LIMS1: variants seen among roughly 807,000 people sequenced by gnomAD.
LIMS1 encodes LIM zinc finger domain containing 1.
In LIMS1, 18 loss-of-function variants were observed where a neutral mutation model predicts 44.1. The ratio of observed to expected loss-of-function variants is 0.41; its 90% confidence interval spans 0.28 to 0.61. The LOEUF (loss-of-function observed/expected upper bound fraction) is 0.61. Ranked by LOEUF, LIMS1 falls within the 20% of genes least tolerant of loss-of-function variation. The pLI is 0.32. For synonymous variants in LIMS1, 93 were observed against 149.1 expected, an observed-to-expected ratio of 0.62 and a Z score of 2.74; for missense variants, 201 against 422.0, an observed-to-expected ratio of 0.48 and a Z score of 4.59.
At chr2:108,668,167 C>T (rs1311697925) in intron 2 of LIMS1, among the ~76,000 whole-genome samples, 1 of 152,100 alleles carries the variant, frequency 6.6e-6, no homozygotes, top group African/African-American at 2.4e-5. Flanking sequence ...TTAACGTATC[C>T]ATCACCTTGT....
At chr2:108,541,078 C>T (rs1449569488) in intron 1 of LIMS1, among the ~76,000 whole-genome samples, 3 of 152,128 alleles carry the variant, frequency 2.0e-5, no homozygotes, top group Non-Finnish European at 4.4e-5. Context: ...CAAGTGATTC[C>T]TTTTGAAGAA....
chr2:108,534,360 C>CTCCCGCCCCTCCCCCGCCT (rs1684036934), exon 1 of LIMS1: 1 of 259,206 alleles, frequency 3.9e-6, no homozygotes, highest in Non-Finnish European at 7.1e-6. Context: ...TGCCCAGCCG[C>CTCCCGCCCCTCCCCCGCCT]TCCCGCCCCT....
intron 1 of LIMS1, among the ~76,000 whole-genome samples, chr2:108,592,459 T>G (rs544362002): frequency 2.0e-5 from 3 of 152,244 alleles, no homozygotes; most frequent in Non-Finnish European, 2.9e-5. Context: ...ATACCAATTT[T>G]TGTGTGTGGG....
Position 108,687,229 on chromosome 2 carries a change from T to C in LIMS1, c.*3230T>C, listed in dbSNP as rs1159770312. 2.0e-5 allele frequency: 3 copies of C among 152,334 alleles called. No homozygotes were observed. The East Asian group carries it at 5.8e-4, about 29-fold the overall frequency. The allele number at this position is 152,334 out of a possible 1,614,324, so 9.4% of individuals were successfully genotyped here. A position where few individuals can be genotyped will look rare whatever the true frequency, so the allele number is the denominator to read the frequency against. The stretch of plus-strand genomic sequence containing the variant: ...ATATTCTTGGTGCTTAATAAATGTT[T>C]ATAATTGTTAACAATAACCTGTTGT... On this transcript the variant is annotated 3_prime_UTR_variant, in exon 10 of 10. Coordinates refer to ENST00000544547, the Ensembl canonical transcript of LIMS1.
chr2:108,613,968 T>C (rs1687798565), intron 1 of LIMS1, among the ~76,000 whole-genome samples: 1 of 152,060 alleles, frequency 6.6e-6, no homozygotes, highest in South Asian at 2.1e-4. Context: ...ATATGGTTGA[T>C]ACCAGTGTCC....
intron 6 of LIMS1, among the ~76,000 whole-genome samples, 169 bp from the exon 7 acceptor site, chr2:108,676,436 AC>A (rs1354765761): frequency 6.6e-6 from 1 of 152,214 alleles, no homozygotes; most frequent in Non-Finnish European, 1.5e-5. Flanking sequence ...AAAGACAGAC[AC>A]CTGAATTACA....
At chr2:108,611,860 C>CAT (rs1286907505) in intron 1 of LIMS1, among the ~76,000 whole-genome samples, 5 of 91,712 alleles carry the variant, frequency 5.5e-5, no homozygotes, top group Non-Finnish European at 7.3e-5. Context: ...TATATACACA[C>CAT]ATATATATAC....
intron 1 of LIMS1, among the ~76,000 whole-genome samples, chr2:108,566,007 A>C (rs1685278223): frequency 4.6e-5 from 7 of 152,204 alleles, no homozygotes; most frequent in Admixed American, 4.6e-4. Context: ...TGGAGGGAAC[A>C]CAAACATTCA....
chr2:108,552,493 A>C (rs989378600), intron 1 of LIMS1, among the ~76,000 whole-genome samples: 5 of 146,780 alleles, frequency 3.4e-5, no homozygotes, highest in Admixed American at 1.4e-4. Context: ...TTACAGTTAC[A>C]TATAATATAT....
At chr2:108,654,677 C>T (rs539304895) in intron 1 of LIMS1, 5,802 of 216,622 alleles carry the variant, frequency 0.027, 125 homozygotes, top group Non-Finnish European at 0.039. Context: ...GAGTGAAAAG[C>T]ACGGCATTGT....
At chr2:108,584,324 G>A (rs1686011044) in intron 1 of LIMS1, among the ~76,000 whole-genome samples, 1 of 152,176 alleles carries the variant, frequency 6.6e-6, no homozygotes, top group African/African-American at 2.4e-5. Context: ...CTGCTGTCAA[G>A]AAGACTTATT....
intron 9 of LIMS1, among the ~76,000 whole-genome samples, chr2:108,683,236 A>G (rs1403115071): frequency 6.6e-6 from 1 of 152,234 alleles, no homozygotes; most frequent in African/African-American, 2.4e-5. Context: ...AATTTAAAGT[A>G]CTAAGTAAGA....
chr2:108,590,103 G>A (rs763418029), intron 1 of LIMS1, among the ~76,000 whole-genome samples: 10 of 152,172 alleles, frequency 6.6e-5, no homozygotes, highest in Non-Finnish European at 1.2e-4. Flanking sequence ...TTTACTACAT[G>A]ACTTGCCTTA....
chr2:108,564,218 G>A (rs1318865820), intron 1 of LIMS1, among the ~76,000 whole-genome samples: 2 of 152,128 alleles, frequency 1.3e-5, no homozygotes, highest in Non-Finnish European at 2.9e-5. Context: ...TCAGATGATT[G>A]CTAGCATTTT....
chr2:108,600,344 C>G (rs1338405632), intron 1 of LIMS1, among the ~76,000 whole-genome samples: 3 of 151,804 alleles, frequency 2.0e-5, no homozygotes, highest in African/African-American at 7.3e-5. Flanking sequence ...AGCCACCACG[C>G]CTGGCCTTGC....
intron 1 of LIMS1, among the ~76,000 whole-genome samples, chr2:108,570,659 G>A (rs566093924): frequency 6.6e-6 from 1 of 152,276 alleles, no homozygotes; most frequent in African/African-American, 2.4e-5. Context: ...ATTCACAGAG[G>A]GAGTGGCCGC....
At chr2:108,574,690 G>GC (rs1476767161) in intron 1 of LIMS1, among the ~76,000 whole-genome samples, 7 of 152,188 alleles carry the variant, frequency 4.6e-5, no homozygotes, top group African/African-American at 1.7e-4. Context: ...GATGAGAAAT[G>GC]TGAAGCTCAC....
intron 1 of LIMS1, among the ~76,000 whole-genome samples, chr2:108,538,462 G>A (rs992246606): frequency 6.6e-6 from 1 of 152,198 alleles, no homozygotes; most frequent in Non-Finnish European, 1.5e-5. Flanking sequence ...TGAGAGGTAG[G>A]AAGAAAGGTG....
chr2:108,548,990 C>T (rs774629145), intron 1 of LIMS1, among the ~76,000 whole-genome samples: 8 of 152,086 alleles, frequency 5.3e-5, no homozygotes, highest in African/African-American at 7.2e-5. Context: ...TTTGATAAGA[C>T]GTTACTTTCT....
Sources: allele counts gnomAD v4.1 joint callset (sites outside exome capture counted in the v4.1 genomes callset), GRCh38; gene constraint gnomAD v4.1.1; transcripts MANE v1.5; gene names NCBI Gene and HGNC (gene_info 2026-07-23, HGNC 2026-07-21).